The following TKTL1 variants were observed in gnomAD, a reference collection of about 807,000 sequenced individuals.
The protein encoded by TKTL1 is transketolase-like protein 1.
In TKTL1, 1 loss-of-function variant was observed where a neutral mutation model predicts 39.3. That is an observed-to-expected ratio of 0.03 (90% CI 0.01 to 0.12). TKTL1 has a LOEUF of 0.12. TKTL1 is among the 10% of genes least tolerant of loss of function. The pLI is 1.00. For synonymous variants in TKTL1, 262 were observed against 193.8 expected (o/e 1.35, Z -2.92); for missense variants, 575 against 509.6 (o/e 1.13, Z -1.24).
intron 1 of TKTL1, among the ~76,000 whole-genome samples, chrX:154,301,906 TC>T (rs1164759599): frequency 9.1e-6 from 1 of 109,690 alleles, no homozygotes; most frequent in Non-Finnish European, 1.9e-5. Context: ...GTCCCCATTT[TC>T]TTTTTTCTTT....
At chrX:154,299,157 T>C (rs1360638970) in intron 1 of TKTL1, among the ~76,000 whole-genome samples, 2 of 95,401 alleles carry the variant, frequency 2.1e-5, no homozygotes, top group African/African-American at 7.6e-5. Context: ...TTCTTTTTTT[T>C]TTTTTTTTTT....
chrX:154,321,630 CAG>C (rs1253928446), intron 8 of TKTL1, among the ~76,000 whole-genome samples: 66 of 108,186 alleles, frequency 6.1e-4, no homozygotes, highest in Non-Finnish European at 2.5e-4. Context: ...TGGGAAACGT[CAG>C]AGAGTCATTT....
intron 1 of TKTL1, among the ~76,000 whole-genome samples, chrX:154,301,203 C>T (rs1557165857): frequency 1.8e-5 from 2 of 110,787 alleles, no homozygotes; most frequent in Admixed American, 9.6e-5. Context: ...AGAGAAAATA[C>T]TTAGTGCAAT....
chrX:154,296,954 C>T (rs1351490713), intron 1 of TKTL1, among the ~76,000 whole-genome samples: 4 of 110,765 alleles, frequency 3.6e-5, no homozygotes, highest in African/African-American at 6.6e-5. Flanking sequence ...ATTGCGCCAC[C>T]GCACTCCAGC....
intron 5 of TKTL1, among the ~76,000 whole-genome samples, chrX:154,312,001 C>T (rs782753835): frequency 9.0e-6 from 1 of 110,945 alleles, no homozygotes; most frequent in East Asian, 2.9e-4. Context: ...CCCAAAGTTC[C>T]AGCTGGCCTC....
rs782214087 is a variant in TKTL1 at position 154,325,322 on chromosome X, C to G, written c.1318-17C>G. On this transcript the variant is annotated splice_polypyrimidine_tract_variant and intron_variant, in intron 9 of 12. Transcript: ENST00000369915. Reference sequence around the variant, plus strand: ...CATTGTTTGCTTTTCTAAACCATGGCTCCATTTATGCCCTAGGGGATGTGC... The same window carrying G: ...CATTGTTTGCTTTTCTAAACCATGGGTCCATTTATGCCCTAGGGGATGTGC... 8.4e-5 allele frequency: 100 copies of G among 1,195,015 alleles called. No homozygotes were observed. Among genetic ancestry groups the G allele is most frequent in the Non-Finnish European group, 1.1e-4 (97 of 881,368 alleles).
At chrX:154,296,817 G>A (rs1479526039) in intron 1 of TKTL1, among the ~76,000 whole-genome samples, 3 of 110,797 alleles carry the variant, frequency 2.7e-5, no homozygotes, top group African/African-American at 9.9e-5. Flanking sequence ...AAACTAGTTC[G>A]AGATCAGCCT....
In TKTL1 at chrX:154,329,544, C is replaced by T. The variant is rs368262386; in HGVS notation, c.1647C>T (p.Ala549=). The T allele has an allele frequency of 3.5e-5, 42 of 1,210,075 alleles. No homozygotes were observed. The highest frequency in any genetic ancestry group is 4.1e-5 in the Non-Finnish European group (37 of 895,141). Residue 549 remains alanine (A), a synonymous_variant, in exon 13 of 13, where the codon GCC becomes GCT. Coordinates refer to ENST00000369915, the MANE Select transcript of TKTL1 (RefSeq NM_012253.4). ...GCATCGGGGAAGCTGTCTGCGCAGC[C>T]GTCTCCATGGATCCTGACATTCAGG... The part of the protein sequence containing the change: ...QGGIGEAVCA[A]VSMDPDIQVH...
At chrX:154,323,434 G>GAACCAA (rs2067468208) in intron 9 of TKTL1, 97 bp downstream of exon 9, 4 of 954,450 alleles carry the variant, frequency 4.2e-6, no homozygotes, top group East Asian at 3.1e-5. Flanking sequence ...ACATAAAAGT[G>GAACCAA]ATATTCATTA....
At chrX:154,317,907 G>T (rs1041222797) in intron 7 of TKTL1, among the ~76,000 whole-genome samples, 7 of 111,098 alleles carry the variant, frequency 6.3e-5, no homozygotes, top group African/African-American at 2.3e-4. Flanking sequence ...TGTGGGCCTG[G>T]GGGGTTGGGG....
At chrX:154,321,515 TG>T (rs1370382680) in intron 8 of TKTL1, among the ~76,000 whole-genome samples, 31 of 24,031 alleles carry the variant, frequency 1.3e-3, no homozygotes, top group East Asian at 2.8e-3. Context: ...ACCAGGGGGG[TG>T]GGGGGGGACC....
intron 1 of TKTL1, among the ~76,000 whole-genome samples, chrX:154,303,175 A>ATTTT (rs782695289): frequency 2.2e-5 from 2 of 92,688 alleles, no homozygotes; most frequent in East Asian, 3.3e-4. Context: ...ATTTTTTAAA[A>ATTTT]TTTTTATTTA....
chrX:154,328,309 C>T (rs1208458788), intron 12 of TKTL1, among the ~76,000 whole-genome samples: 2 of 109,064 alleles, frequency 1.8e-5, no homozygotes, highest in Non-Finnish European at 3.8e-5. Context: ...TTTGGGAGGC[C>T]GAGGCAGGTA....
At chrX:154,322,199 C>CTGTGTGTGGACACTGTGTG (rs2067456524) in intron 8 of TKTL1, among the ~76,000 whole-genome samples, 1 of 94,600 alleles carries the variant, frequency 1.1e-5, no homozygotes, top group Non-Finnish European at 2.1e-5. Flanking sequence ...CACCACTGCA[C>CTGTGTGTGGACACTGTGTG]TCCAGCCTGG....
intron 8 of TKTL1, among the ~76,000 whole-genome samples, chrX:154,321,992 C>T (rs2067454797): frequency 9.1e-6 from 1 of 110,218 alleles, no homozygotes; most frequent in African/African-American, 3.3e-5. Context: ...ACTCTAGGTT[C>T]CATCCAAAGA....
intron 7 of TKTL1, among the ~76,000 whole-genome samples, chrX:154,319,398 G>A (rs1340556208): frequency 8.9e-6 from 1 of 112,095 alleles, no homozygotes; most frequent in Admixed American, 9.5e-5. Context: ...TCAGGTGGCT[G>A]AGAGCATGCC....
At chrX:154,301,205 T>G (rs1001878606) in intron 1 of TKTL1, among the ~76,000 whole-genome samples, 1 of 110,956 alleles carries the variant, frequency 9.0e-6, no homozygotes, top group Admixed American at 9.6e-5. Flanking sequence ...AGAAAATACT[T>G]AGTGCAATAT....
At chrX:154,314,823 C>G (rs782207995) in intron 6 of TKTL1, among the ~76,000 whole-genome samples, 2 of 110,953 alleles carry the variant, frequency 1.8e-5, no homozygotes, top group East Asian at 5.6e-4. Flanking sequence ...GCACACCTGG[C>G]CAAGTAATTT....
intron 6 of TKTL1, among the ~76,000 whole-genome samples, chrX:154,313,300 T>G (rs1557168789): frequency 8.9e-6 from 1 of 112,279 alleles, no homozygotes; most frequent in African/African-American, 3.2e-5. Context: ...GAACTTACTC[T>G]CTGAATTACA....
Sources: gnomAD v4.1 joint callset for allele counts (sites outside exome capture counted in the v4.1 genomes callset) on GRCh38, gnomAD v4.1.1 for gene constraint, MANE v1.5 for transcripts, NCBI Gene and HGNC (gene_info 2026-07-23, HGNC 2026-07-21) for gene names.